The following CLVS1 variants were observed in gnomAD, a reference collection of about 807,000 sequenced individuals.
CLVS1 encodes clavesin-1.
Under a neutral mutation model 33.1 loss-of-function variants are expected in CLVS1, and 10 were observed. That is an observed-to-expected ratio of 0.30 (90% CI 0.19 to 0.51). CLVS1 has a LOEUF of 0.51. CLVS1 is among the 20% of genes least tolerant of loss of function. CLVS1 has a pLI of 0.97. For missense variants in CLVS1, 343 were observed against 433.4 expected (o/e 0.79, Z 1.85); for synonymous variants, 163 against 166.1 (o/e 0.98, Z 0.14).
rs966510789 is a variant in CLVS1, at chr8:61,458,294, G to T, written c.742-13G>T. 8 of 1,586,960 alleles carry T rather than the reference G, an allele frequency of 5.0e-6. No individual in the cohort carries two copies. Among genetic ancestry groups the T allele is most frequent in the Middle Eastern group, 1.7e-4 (1 of 5,948 alleles). On this transcript the variant is annotated splice_polypyrimidine_tract_variant and intron_variant, in intron 4 of 5. Coordinates refer to ENST00000325897, the MANE Select transcript of CLVS1 (RefSeq NM_173519.3). ...GATTTTGTATTGCTAATTACTTTTT[G>T]TTTTCTTTACAGATTTTCCTGCATG...
At chr8:61,362,328 A>G (rs1259407206) in intron 2 of CLVS1, among the ~76,000 whole-genome samples, 2 of 152,246 alleles carry the variant, frequency 1.3e-5, no homozygotes, top group East Asian at 3.8e-4. Flanking sequence ...TCCTCATTTC[A>G]TACATTGGTC....
At chr8:61,378,819 G>A (rs538508243) in intron 3 of CLVS1, among the ~76,000 whole-genome samples, 9 of 152,220 alleles carry the variant, frequency 5.9e-5, no homozygotes, top group South Asian at 2.1e-4. Context: ...CAGATGCCCC[G>A]GTCAATCTAC....
At chr8:61,192,993 C>A (rs189992273) in intron 2 of CLVS1, among the ~76,000 whole-genome samples, 2 of 152,224 alleles carry the variant, frequency 1.3e-5, no homozygotes, top group African/African-American at 4.8e-5. Context: ...CTAGAAATAC[C>A]ATTTGACCCA....
At chr8:61,184,095 AC>A (rs752376929) in intron 2 of CLVS1, among the ~76,000 whole-genome samples, 1 of 152,198 alleles carries the variant, frequency 6.6e-6, no homozygotes. Context: ...TAATGCCAGA[AC>A]CTACTTGACC....
chr8:61,089,962 G>T (rs376155978), intron 1 of CLVS1, among the ~76,000 whole-genome samples: 2 of 152,148 alleles, frequency 1.3e-5, no homozygotes, highest in African/African-American at 2.4e-5. Flanking sequence ...CAGGAAGCAG[G>T]TTCCATGACT....
At chr8:61,062,355 C>T (rs917773172) in intron 1 of CLVS1, among the ~76,000 whole-genome samples, 6 of 152,156 alleles carry the variant, frequency 3.9e-5, no homozygotes, top group African/African-American at 7.2e-5. Flanking sequence ...CAAAGCCAGG[C>T]GTAGAGACAG....
chr8:61,304,171 G>T (rs1307767959), intron 2 of CLVS1, among the ~76,000 whole-genome samples: 2 of 152,230 alleles, frequency 1.3e-5, no homozygotes, highest in East Asian at 1.9e-4. Context: ...TATCTCATGT[G>T]AAGGGTTTAC....
chr8:61,426,974 T>C (rs1815919663), intron 3 of CLVS1, among the ~76,000 whole-genome samples: 1 of 152,318 alleles, frequency 6.6e-6, no homozygotes, highest in Non-Finnish European at 1.5e-5. Context: ...TTTGAAACAA[T>C]GAGAGAGCAA....
intron 1 of CLVS1, among the ~76,000 whole-genome samples, chr8:61,111,867 TTA>T (rs965246407): frequency 6.0e-4 from 91 of 152,010 alleles, no homozygotes; most frequent in African/African-American, 2.0e-3. Context: ...TGTATTAAAT[TTA>T]TAGAGTTTTG....
the CLVS1 span, among the ~76,000 whole-genome samples, chr8:60,969,916 G>T: frequency 1.1e-4 from 17 of 152,130 alleles, no homozygotes; most frequent in African/African-American, 3.9e-4. Context: ...GGATGTGCAT[G>T]GGTTCTATGC....
the CLVS1 span, among the ~76,000 whole-genome samples, chr8:61,024,826 C>A: frequency 1.3e-5 from 2 of 151,568 alleles, no homozygotes; most frequent in African/African-American, 4.8e-5. Flanking sequence ...ATGCATTTTT[C>A]TTTCTGTTTT....
intron 1 of CLVS1, among the ~76,000 whole-genome samples, chr8:61,080,481 A>C (rs1805001157): frequency 6.6e-6 from 1 of 152,236 alleles, no homozygotes; most frequent in Non-Finnish European, 1.5e-5. Context: ...AACAACTATG[A>C]AAATCTCTGA....
chr8:61,133,421 A>C (rs902419545), intron 2 of CLVS1, among the ~76,000 whole-genome samples: 7 of 152,186 alleles, frequency 4.6e-5, no homozygotes, highest in Middle Eastern at 3.2e-3. Flanking sequence ...GTGGCATAAC[A>C]AAGGCATGGC....
At chr8:61,234,354 G>C (rs1808508708) in intron 2 of CLVS1, among the ~76,000 whole-genome samples, 1 of 152,176 alleles carries the variant, frequency 6.6e-6, no homozygotes, top group African/African-American at 2.4e-5. Flanking sequence ...GTATCCCCTT[G>C]ATACATTTCT....
chr8:61,389,138 T>A (rs1418162099), intron 3 of CLVS1, among the ~76,000 whole-genome samples: 2 of 152,236 alleles, frequency 1.3e-5, no homozygotes, highest in East Asian at 3.8e-4. Flanking sequence ...ATTTTACACA[T>A]AATTCTTGCT....
intron 1 of CLVS1, among the ~76,000 whole-genome samples, chr8:61,095,267 TG>T (rs764138926): frequency 6.8e-4 from 103 of 152,212 alleles, no homozygotes; most frequent in Non-Finnish European, 1.2e-3. Flanking sequence ...AAATAGCTCT[TG>T]GTTTTTTAGG....
chr8:61,325,788 A>G (rs554667232), intron 2 of CLVS1, among the ~76,000 whole-genome samples: 8 of 152,256 alleles, frequency 5.3e-5, no homozygotes, highest in South Asian at 4.1e-4. Context: ...GACTATATGA[A>G]AGAGTTTTAT....
Position 61,441,652 on chromosome 8 carries a change from C to A in CLVS1, c.631-12489C>A, listed in dbSNP as rs1266662921. ...TTAATCCTTCATTATCCAGCAGAAA[C>A]TGAGCCAACGGCCACGGGTGACATC... On this transcript the variant is annotated intron_variant, in intron 3 of 5. Coordinates refer to ENST00000325897, the MANE Select transcript of CLVS1 (RefSeq NM_173519.3). 2.0e-5 allele frequency among the ~76,000 whole-genome samples: 3 copies of A among 152,146 alleles called. No homozygotes were observed. The South Asian group carries it at 6.2e-4, about 32-fold the overall frequency.
chr8:60,968,907 A>G, the CLVS1 span, among the ~76,000 whole-genome samples: 1 of 151,890 alleles, frequency 6.6e-6, no homozygotes, highest in Non-Finnish European at 1.5e-5. Flanking sequence ...TAAATAAATA[A>G]AATAAAAAAA....
Sources: gnomAD v4.1 joint callset for allele counts (sites outside exome capture counted in the v4.1 genomes callset) on GRCh38, gnomAD v4.1.1 for gene constraint, MANE v1.5 for transcripts, NCBI Gene and HGNC (gene_info 2026-07-23, HGNC 2026-07-21) for gene names.